The following PDE10A variants were observed in gnomAD, a reference collection of about 807,000 sequenced individuals.
PDE10A encodes the protein phosphodiesterase 10A.
PDE10A carries 39 observed loss-of-function variants against 97.7 expected under a neutral mutation model. The observed-to-expected ratio is 0.40, with a 90% CI of 0.31 to 0.52. The LOEUF (loss-of-function observed/expected upper bound fraction) is 0.52. PDE10A is among the 20% of genes least tolerant of loss of function. The pLI is 0.56. For synonymous variants in PDE10A, 371 were observed against 376.8 expected, an observed-to-expected ratio of 0.98 and a Z score of 0.18; for missense variants, 731 against 1,047.8, an observed-to-expected ratio of 0.70 and a Z score of 4.17.
At chr6:165,601,650 C>T (rs762428916) in intron 1 of PDE10A, among the ~76,000 whole-genome samples, 9 of 152,136 alleles carry the variant, frequency 5.9e-5, no homozygotes, top group Non-Finnish European at 1.0e-4. Flanking sequence ...TAAGAACTTG[C>T]TAACAGGTAA....
At chr6:165,563,973 C>T (rs1784650848) in intron 1 of PDE10A, among the ~76,000 whole-genome samples, 1 of 150,518 alleles carries the variant, frequency 6.6e-6, no homozygotes. Context: ...CCATCCTCCT[C>T]AGTCAGTCAC....
intron 1 of PDE10A, among the ~76,000 whole-genome samples, chr6:165,594,466 G>A (rs1786467602): frequency 6.6e-6 from 1 of 152,002 alleles, no homozygotes; most frequent in South Asian, 2.1e-4. Context: ...GAATAGAGAA[G>A]GAATCCACGA....
At chr6:165,383,926 T>C (rs1312058300) in intron 17 of PDE10A, among the ~76,000 whole-genome samples, 1 of 151,710 alleles carries the variant, frequency 6.6e-6, no homozygotes, top group Non-Finnish European at 1.5e-5. Context: ...GGGTGTGGGG[T>C]AATTACATGT....
intron 3 of PDE10A, among the ~76,000 whole-genome samples, 166 bp from the exon 4 acceptor site, chr6:165,450,528 A>C (rs942830450): frequency 2.6e-5 from 4 of 152,132 alleles, no homozygotes; most frequent in African/African-American, 9.7e-5. Flanking sequence ...TTATAAAACA[A>C]GTAGATTGAA....
intron 1 of PDE10A, among the ~76,000 whole-genome samples, chr6:165,550,458 G>A (rs952686794): frequency 2.8e-4 from 43 of 152,256 alleles, no homozygotes; most frequent in African/African-American, 1.0e-3. Context: ...ACCATTTCAT[G>A]CTATTAATTA....
chr6:165,629,543 T>TAAA (rs141265131), intron 1 of PDE10A, among the ~76,000 whole-genome samples: 28,119 of 143,348 alleles, frequency 0.2, 2,932 homozygotes, highest in Middle Eastern at 0.34. Context: ...TTTTTTTTTT[T>TAAA]AAAACAGGGT....
chr6:165,845,800 A>G (rs1040959934), intron 1 of PDE10A, among the ~76,000 whole-genome samples: 1 of 152,080 alleles, frequency 6.6e-6, no homozygotes, highest in Non-Finnish European at 1.5e-5. Flanking sequence ...CATCTGCAAA[A>G]TATGTACATG....
chr6:165,831,571 G>C (rs1178189203), intron 1 of PDE10A, among the ~76,000 whole-genome samples: 1 of 146,398 alleles, frequency 6.8e-6, no homozygotes, highest in Non-Finnish European at 1.5e-5. Context: ...TCTGCCTCCC[G>C]GGTTCACGCC....
At position 165,423,951 on chromosome 6, in the gene PDE10A, G is replaced by C. The variant is rs562637391; in HGVS notation, c.1653+4707C>G. Among the ~76,000 whole-genome samples, 657 of 152,008 alleles carry C rather than the reference G, an allele frequency of 4.3e-3. 7 individuals are homozygous for C. The highest frequency in any genetic ancestry group is 4.3e-3 in the Non-Finnish European group (294 of 67,952). ...AAAAGTCTAACCTCATTCCCCACTT[G>C]TTTCCTCTAATCCAGGGTTATCTTT... On this transcript the variant is annotated intron_variant, in intron 10 of 21. Transcript: ENST00000539869.
At chr6:165,942,242 G>A (rs936975867) in intron 1 of PDE10A, among the ~76,000 whole-genome samples, 2 of 151,890 alleles carry the variant, frequency 1.3e-5, no homozygotes, top group African/African-American at 2.4e-5. Flanking sequence ...GGGTAGCAGG[G>A]GAATTAAAAA....
chr6:165,428,807 A>G, intron 9 of PDE10A, 98 bp from the exon 10 acceptor site: 1 of 544,748 alleles, frequency 1.8e-6, no homozygotes, highest in South Asian at 2.7e-5. Context: ...CATTTAAATA[A>G]AAAACCATAA....
chr6:165,738,788 T>C (rs1021407027), intron 1 of PDE10A, among the ~76,000 whole-genome samples: 13 of 152,206 alleles, frequency 8.5e-5, no homozygotes, highest in Non-Finnish European at 1.5e-4. Flanking sequence ...TTTTCATGTG[T>C]TTTTTGGCTG....
intron 4 of PDE10A, among the ~76,000 whole-genome samples, chr6:165,449,252 C>T (rs1330388374): frequency 6.6e-6 from 1 of 152,132 alleles, no homozygotes; most frequent in Non-Finnish European, 1.5e-5. Context: ...ATTTGTTGAA[C>T]TTTATTCAGA....
At chr6:165,562,394 A>T (rs1006246779) in intron 1 of PDE10A, among the ~76,000 whole-genome samples, 6 of 152,240 alleles carry the variant, frequency 3.9e-5, no homozygotes, top group African/African-American at 1.4e-4. Context: ...AGACACTAGT[A>T]TTAGCTCTTC....
intron 3 of PDE10A, among the ~76,000 whole-genome samples, chr6:165,475,630 A>T (rs1779251756): frequency 6.6e-6 from 1 of 152,212 alleles, no homozygotes; most frequent in Non-Finnish European, 1.5e-5. Context: ...TAATGACACA[A>T]GATCCCATTT....
chr6:165,965,636 G>A (rs552413718), intron 1 of PDE10A, among the ~76,000 whole-genome samples: 1 of 152,122 alleles, frequency 6.6e-6, no homozygotes, highest in Non-Finnish European at 1.5e-5. Flanking sequence ...TATGCTGCTC[G>A]GGAAATATAA....
chr6:165,508,484 G>T (rs1030073923), intron 2 of PDE10A, among the ~76,000 whole-genome samples: 2 of 151,646 alleles, frequency 1.3e-5, no homozygotes, highest in Admixed American at 1.3e-4. Flanking sequence ...AGTTATTTCC[G>T]GTTTTATTCC....
chr6:165,891,712 CT>C (rs1781804214), intron 1 of PDE10A, among the ~76,000 whole-genome samples: 1 of 120,662 alleles, frequency 8.3e-6, no homozygotes, highest in Non-Finnish European at 1.8e-5. Flanking sequence ...TTGTTCCTCC[CT>C]ATTTTTCTTT....
intron 18 of PDE10A, among the ~76,000 whole-genome samples, chr6:165,366,794 T>G (rs1157117423): frequency 6.6e-6 from 1 of 152,046 alleles, no homozygotes; most frequent in East Asian, 1.9e-4. Flanking sequence ...AAAACAGAAA[T>G]GGAACCACCC....
Sources: allele counts gnomAD v4.1 joint callset (sites outside exome capture counted in the v4.1 genomes callset), GRCh38; gene constraint gnomAD v4.1.1; transcripts MANE v1.5; gene names NCBI Gene and HGNC (gene_info 2026-07-23, HGNC 2026-07-21).